TNRC6C: variants seen among roughly 807,000 people sequenced by gnomAD.
TNRC6C encodes trinucleotide repeat-containing gene 6C protein.
TNRC6C carries 20 observed loss-of-function variants against 153.7 expected under a neutral mutation model. The ratio of observed to expected loss-of-function variants is 0.13; its 90% CI spans 0.09 to 0.19. TNRC6C has a LOEUF of 0.19. Among genes scored for constraint, TNRC6C ranks in the 10% least tolerant of loss-of-function variants. The pLI, the probability that TNRC6C is intolerant of heterozygous loss-of-function variation, is 1.00. For missense variants in TNRC6C, 1,987 were observed against 2,172.0 expected (o/e 0.91, Z 1.69); for synonymous variants, 811 against 841.4 (o/e 0.96, Z 0.63).
In TNRC6C at chr17:78,079,536, C is replaced by G. The variant is rs373184901; in HGVS notation, c.3352C>G (p.Pro1118Ala). Reference sequence around the variant, plus strand: ...TGCTCAAGTGCCTCAGTTTCTATCCCCTCAGGTCAGACCCACATCCAAGCA... The same window carrying G: ...TGCTCAAGTGCCTCAGTTTCTATCCGCTCAGGTCAGACCCACATCCAAGCA... The change falls in exon 10 of 20, where the codon CCT becomes GCT. Residue 1118 changes from proline to alanine, a missense_variant. Transcript: ENST00000301624. The surrounding 1 kb of genome is among the most constrained non-coding windows in gnomAD (Gnocchi z 4.3). 6.2e-7 allele frequency: 1 copy of G among 1,613,834 alleles called. No homozygotes were observed. The highest frequency in any genetic ancestry group is 1.7e-5 in the Admixed American group (1 of 59,998).
rs1439022987 is a variant in TNRC6C at position 78,104,631 on chromosome 17, G to A, written c.4859G>A (p.Gly1620Asp). ...AGCCAGCCGCGGCTCAGCGCAGCGG[G>A]CAGCTCCCATGGCCTGGTACGCAGC... is the stretch of plus-strand genomic sequence containing the variant. The change falls in exon 20 of 20, where the codon GGC becomes GAC. Residue 1620 changes from glycine (G) to aspartate (D), a missense_variant. By Grantham distance (94) the Gly-to-Asp change is moderately conservative (BLOSUM62 -1). This residue lies in a region of TNRC6C where 139 missense variants were observed against 148.5 expected (regional missense o/e 0.94). Transcript: ENST00000301624. The surrounding 1 kb of genome is among the most constrained non-coding windows in gnomAD (Gnocchi z 6.2). 2 of 1,548,198 alleles carry A rather than the reference G, an allele frequency of 1.3e-6. No individual in the cohort carries two copies. Among genetic ancestry groups the A allele is most frequent in the Admixed American group, 2.0e-5 (1 of 51,058 alleles).
At chr17:78,097,170 T>C (rs2073502468) in intron 16 of TNRC6C, among the ~76,000 whole-genome samples, 1 of 152,208 alleles carries the variant, frequency 6.6e-6, no homozygotes, top group Non-Finnish European at 1.5e-5. Context: ...ACTGTGATCA[T>C]GCCTGTGAAC....
chr17:78,053,232 C>G (rs1316819929), intron 3 of TNRC6C, among the ~76,000 whole-genome samples: 1 of 152,096 alleles, frequency 6.6e-6, no homozygotes, highest in African/African-American at 2.4e-5. Flanking sequence ...ATTTGTGATT[C>G]CAATTGTTTA....
chr17:78,033,507 T>C (rs150613984), intron 2 of TNRC6C, among the ~76,000 whole-genome samples: 62 of 152,138 alleles, frequency 4.1e-4, no homozygotes, highest in African/African-American at 1.4e-3. Context: ...CAGTCTGTAC[T>C]AAAAATACAA....
intron 3 of TNRC6C, among the ~76,000 whole-genome samples, chr17:78,058,767 A>AT (rs1414389589): frequency 1.3e-5 from 2 of 152,256 alleles, no homozygotes; most frequent in Admixed American, 1.3e-4. Flanking sequence ...CATAGCAGGG[A>AT]TTCCAGCTGT....
upstream of TNRC6C, chr17:78,005,035 T>C: frequency 8.2e-7 from 1 of 1,215,982 alleles, no homozygotes; most frequent in East Asian, 3.2e-5. Context: ...TTTCTTTCTT[T>C]CTCTCTCTTT....
intron 1 of TNRC6C, among the ~76,000 whole-genome samples, chr17:78,012,537 T>C (rs1234447627): frequency 6.6e-6 from 1 of 152,220 alleles, no homozygotes; most frequent in Non-Finnish European, 1.5e-5. Context: ...AAGAGATATT[T>C]TAGTGGGAAG....
intron 1 of TNRC6C, among the ~76,000 whole-genome samples, chr17:78,024,091 A>T (rs9891107): frequency 0.086 from 13,064 of 152,104 alleles, 1,800 homozygotes; most frequent in African/African-American, 0.3. Context: ...CAAAAAAAAC[A>T]CCGTCTCAAA....
chr17:78,093,163 C>T, intron 15 of TNRC6C, 39 bp downstream of exon 17: 1 of 1,595,856 alleles, frequency 6.3e-7, no homozygotes, highest in Non-Finnish European at 8.6e-7. Context: ...AGCAGCAGGT[C>T]AGAATGTGCT....
intron 13 of TNRC6C, among the ~76,000 whole-genome samples, chr17:78,090,580 C>T (rs2073375775): frequency 6.6e-6 from 1 of 152,216 alleles, no homozygotes; most frequent in African/African-American, 2.4e-5. Context: ...CTGTCCTGCT[C>T]CAAACTAGTG....
At chr17:78,031,939 T>A in intron 2 of TNRC6C, 97 bp downstream of exon 4, 1 of 1,040,796 alleles carries the variant, frequency 9.6e-7, no homozygotes, top group Non-Finnish European at 1.2e-6. Context: ...TTTTGGTCCA[T>A]ACTCACAACA....
exon 20 of TNRC6C, chr17:78,105,301 G>C (rs1238156426): frequency 6.5e-6 from 1 of 154,686 alleles, no homozygotes; most frequent in Non-Finnish European, 1.4e-5. Context: ...GGCAGAGTCT[G>C]GTGTGGACCG....
At chr17:78,024,618 GC>G (rs2071899752) in intron 1 of TNRC6C, among the ~76,000 whole-genome samples, 1 of 151,522 alleles carries the variant, frequency 6.6e-6, no homozygotes. Flanking sequence ...GCCCACTTTG[GC>G]CTCCCAAAGT....
intron 3 of TNRC6C, among the ~76,000 whole-genome samples, chr17:78,054,947 C>T (rs1029300789): frequency 1.3e-5 from 2 of 151,762 alleles, no homozygotes; most frequent in South Asian, 2.1e-4. Flanking sequence ...GACTACTGTA[C>T]GCTACCATAC....
chr17:77,973,478 G>C (rs2070957972), intron 1 of TNRC6C, among the ~76,000 whole-genome samples: 1 of 152,232 alleles, frequency 6.6e-6, no homozygotes, highest in Admixed American at 6.5e-5. Flanking sequence ...CTGATCTAGA[G>C]CTTCTAGCCT....
chr17:78,064,452 G>A (rs1437549059), intron 3 of TNRC6C, among the ~76,000 whole-genome samples: 2 of 152,166 alleles, frequency 1.3e-5, no homozygotes, highest in East Asian at 3.8e-4. Flanking sequence ...AGCTACTTAG[G>A]AGGATTGAGT....
intron 1 of TNRC6C, among the ~76,000 whole-genome samples, chr17:78,007,459 C>G (rs1029233831): frequency 5.9e-5 from 9 of 152,214 alleles, no homozygotes; most frequent in African/African-American, 2.2e-4. Flanking sequence ...AACTTTCTGA[C>G]TGGACACTTT....
At chr17:77,981,964 A>T (rs2071084561) in intron 1 of TNRC6C, among the ~76,000 whole-genome samples, 1 of 152,174 alleles carries the variant, frequency 6.6e-6, no homozygotes, top group African/African-American at 2.4e-5. Flanking sequence ...TCTAACCTCC[A>T]GCGTGATGGT....
chr17:78,003,161 G>A (rs1000776732), upstream of TNRC6C, among the ~76,000 whole-genome samples: 1 of 152,102 alleles, frequency 6.6e-6, no homozygotes, highest in African/African-American at 2.4e-5. Context: ...TTTGAGGTTG[G>A]ACTGGTAAAA....
Sources: gnomAD v4.1 joint callset for allele counts (sites outside exome capture counted in the v4.1 genomes callset) on GRCh38, gnomAD v4.1.1 for gene constraint, gnomAD v4.1.1 regional missense constraint, Gnocchi (gnomAD v3.1) non-coding constraint, MANE v1.5 for transcripts, NCBI Gene and HGNC (gene_info 2026-07-23, HGNC 2026-07-21) for gene names.